Variants in GP1BB observed in about 807,000 individuals in gnomAD.
The protein encoded by GP1BB is platelet glycoprotein Ib beta chain.
Under a neutral mutation model 2.5 loss-of-function variants are expected in GP1BB, and 3 were observed. That is an observed-to-expected ratio of 1.22 (90% confidence interval 0.56 to 3.15). The LOEUF is 3.15. Among genes scored for constraint, GP1BB ranks in the 30% most tolerant of loss-of-function variants. The pLI is 0.03. For synonymous variants in GP1BB, 191 were observed against 167.5 expected (o/e 1.14, Z -1.08); for missense variants, 316 against 307.0 (o/e 1.03, Z -0.22).
rs139264686 is a variant in GP1BB, at chr22:19,724,732, C to G, written c.*268C>G. The G allele has an allele frequency of 1.9e-6, 1 of 513,690 alleles. No individual in the cohort carries two copies. Among genetic ancestry groups the G allele is most frequent in the African/African-American group, 2.0e-5 (1 of 50,764 alleles). The allele number at this position is 513,690 out of a possible 1,614,324, so 31.8% of individuals were successfully genotyped here. On this transcript the variant is annotated 3_prime_UTR_variant, in exon 2 of 2. Coordinates refer to ENST00000366425, the MANE Select transcript of GP1BB (RefSeq NM_000407.5). ...TGCGGTCCAGACCCTGCTGCGTCTC[C>G]CTTCCAAACTCTGGTGCTGAATAAA...
chr22:19,723,586 CTG>C lies in GP1BB; in HGVS notation c.10+8_10+9del, dbSNP rs769029226. ...CTTCTCGCCATGGGCTCCGGTGAGT[CTG>C]GAGTCCGGTCGGGCCCCCGGCTGCT... On this transcript the variant is annotated splice_region_variant and intron_variant, in intron 1 of 1. Coordinates refer to ENST00000366425, the MANE Select transcript of GP1BB (RefSeq NM_000407.5). 2.9e-5 allele frequency: 46 copies of C among 1,597,504 alleles called. No homozygotes were observed. The highest frequency in any genetic ancestry group is 1.7e-4 in the Middle Eastern group (1 of 5,982).
chr22:19,723,668 A>C lies in GP1BB; in HGVS notation c.10+89A>C, dbSNP rs774330634. 7.3e-5 allele frequency: 107 copies of C among 1,471,750 alleles called. No homozygotes were observed. The Middle Eastern group carries it at 1.2e-3, about 16-fold the overall frequency. 91.2% of individuals were successfully genotyped at this position (1,471,750 alleles called of 1,614,324 possible). On this transcript the variant is annotated intron_variant, in intron 1 of 1. Coordinates refer to ENST00000366425, the MANE Select transcript of GP1BB (RefSeq NM_000407.5). ...CTGGTCGTTTGGCTGCAGCTGGGAG[A>C]GACTTGGGTCAGACTTAGAGGGGAC...
rs1936108227 is a variant in GP1BB at position 19,723,842 on chromosome 22, C to T, written c.11-12C>T. ...GCCGACCGCTCGGCTTACTGCGGCG[C>T]TTCCCTTGCAGGGCCGCGCGGGGCG... On this transcript the variant is annotated splice_polypyrimidine_tract_variant and intron_variant, in intron 1 of 1. Transcript: ENST00000366425. 1 of 1,522,026 alleles carries T rather than the reference C, an allele frequency of 6.6e-7. No homozygotes were observed. The highest frequency in any genetic ancestry group is 8.8e-7 in the Non-Finnish European group (1 of 1,141,036). 94.3% of individuals were successfully genotyped at this position (1,522,026 alleles called of 1,614,324 possible). A position where few individuals can be genotyped will look rare whatever the true frequency, so the allele number is the denominator to read the frequency against.
chr22:19,723,564 C>A lies in GP1BB; in HGVS notation c.-6C>A. The A allele has an allele frequency of 6.3e-7, 1 of 1,595,910 alleles. No individual in the cohort carries two copies. ...GCAGAGTAAGCCGGGCTGCCGTCTT[C>A]TCGCCATGGGCTCCGGTGAGTCTGG... On this transcript the variant is annotated 5_prime_UTR_variant, in exon 1 of 2. Transcript: ENST00000366425.
At position 19,724,157 on chromosome 22, in the gene GP1BB, C is replaced by G; in HGVS notation, c.314C>G (p.Ala105Gly). The change falls in exon 2 of 2, where the codon GCC becomes GGC. Residue 105 changes from alanine (A) to glycine (G), a missense_variant. Physicochemically the swap from Ala to Gly is moderately conservative, Grantham distance 60. Coordinates refer to ENST00000366425, the MANE Select transcript of GP1BB (RefSeq NM_000407.5). ...CTTGTGCCGCTGCGCGCCTGGCTGG[C>G]CGGCCGCCCCGAGCGTGCGCCCTAC... ...CRLVPLRAWL[A>G]GRPERAPYRD... is the part of the protein sequence containing the mutation. 7.6e-7 allele frequency: 1 copy of G among 1,310,228 alleles called. No individual in the cohort carries two copies. The highest frequency in any genetic ancestry group is 2.1e-5 in the South Asian group (1 of 46,936). The allele number at this position is 1,310,228 out of a possible 1,614,324, so 81.2% of individuals were successfully genotyped here. A position where few individuals can be genotyped will look rare whatever the true frequency, so the allele number is the denominator to read the frequency against.
Position 19,724,331 on chromosome 22 carries a change from T to C in GP1BB, c.488T>C (p.Leu163Pro). The change falls in exon 2 of 2, where the codon CTG (leucine) becomes CCG (proline). Residue 163 changes from leucine (L) to proline (P), a missense_variant. By Grantham distance (98) the Leu-to-Pro change is moderately conservative. Coordinates refer to ENST00000366425, the MANE Select transcript of GP1BB (RefSeq NM_000407.5). Reference protein sequence around the residue: ...AQLALLGLGLLHALLLVLLLC... With the variant: ...AQLALLGLGLPHALLLVLLLC... ...CTTGCGCTGCTGGGCCTTGGGCTGC[T>C]GCACGCGTTGCTGCTGGTGCTGCTG... is the stretch of plus-strand genomic sequence containing the variant. 2 of 1,448,002 alleles carry C rather than the reference T, an allele frequency of 1.4e-6. No individual in the cohort carries two copies. The highest frequency in any genetic ancestry group is 1.8e-6 in the Non-Finnish European group (2 of 1,104,884). The allele number at this position is 1,448,002 out of a possible 1,614,324, so 89.7% of individuals were successfully genotyped here.
At position 19,724,696 on chromosome 22, in the gene GP1BB, A is replaced by G. The variant is rs1936132326; in HGVS notation, c.*232A>G. 1.7e-6 allele frequency: 1 copy of G among 580,528 alleles called. No homozygotes were observed. The highest frequency in any genetic ancestry group is 3.0e-5 in the East Asian group (1 of 33,852). 36.0% of individuals were successfully genotyped at this position (580,528 alleles called of 1,614,324 possible). On this transcript the variant is annotated 3_prime_UTR_variant, in exon 2 of 2. Transcript: ENST00000366425. ...CCGCACTTCCAGGCTTGGGAGGACC[A>G]TGGGGCACAATGCGGTCCAGACCCT...
In GP1BB at chr22:19,724,327, C is replaced by G. The variant is rs1286286182; in HGVS notation, c.484C>G (p.Leu162Val). The G allele has an allele frequency of 2.1e-6, 3 of 1,442,052 alleles. No individual in the cohort carries two copies. The highest frequency in any genetic ancestry group is 1.8e-6 in the Non-Finnish European group (2 of 1,103,260). The allele number at this position is 1,442,052 out of a possible 1,614,324, so 89.3% of individuals were successfully genotyped here. A position where few individuals can be genotyped will look rare whatever the true frequency, so the allele number is the denominator to read the frequency against. ...GCAGCTTGCGCTGCTGGGCCTTGGGCTGCTGCACGCGTTGCTGCTGGTGCT... is the reference window on the plus strand; with the variant it reads ...GCAGCTTGCGCTGCTGGGCCTTGGGGTGCTGCACGCGTTGCTGCTGGTGCT... ...AAQLALLGLG[L>V]LHALLLVLLL... The change falls in exon 2 of 2, where the codon CTG (leucine) becomes GTG (valine). Residue 162 changes from leucine to valine, a missense_variant. Physicochemically the swap from Leu to Val is conservative, Grantham distance 32. Transcript: ENST00000366425.
chr22:19,724,334 A>G lies in GP1BB; in HGVS notation c.491A>G (p.His164Arg). 1.4e-6 allele frequency: 2 copies of G among 1,452,896 alleles called. No homozygotes were observed. Among genetic ancestry groups the G allele is most frequent in the East Asian group, 5.5e-5 (2 of 36,316 alleles). The allele number at this position is 1,452,896 out of a possible 1,614,324, so 90.0% of individuals were successfully genotyped here. ...QLALLGLGLLHALLLVLLLCR... is the reference protein window; with the variant it reads ...QLALLGLGLLRALLLVLLLCR... ...GCGCTGCTGGGCCTTGGGCTGCTGC[A>G]CGCGTTGCTGCTGGTGCTGCTGCTG... Residue 164 changes from histidine (H) to arginine (R), a missense_variant, in exon 2 of 2, where the codon CAC (histidine) becomes CGC (arginine). Transcript: ENST00000366425.
In GP1BB at chr22:19,724,706, A is replaced by C; in HGVS notation, c.*242A>C. The C allele has an allele frequency of 1.8e-6, 1 of 568,018 alleles. No homozygotes were observed. The highest frequency in any genetic ancestry group is 3.0e-5 in the East Asian group (1 of 33,040). 35.2% of individuals were successfully genotyped at this position (568,018 alleles called of 1,614,324 possible). A position where few individuals can be genotyped will look rare whatever the true frequency, so the allele number is the denominator to read the frequency against. ...AGGCTTGGGAGGACCATGGGGCACA[A>C]TGCGGTCCAGACCCTGCTGCGTCTC... On this transcript the variant is annotated 3_prime_UTR_variant, in exon 2 of 2. Transcript: ENST00000366425.
At position 19,724,056 on chromosome 22, in the gene GP1BB, G is replaced by C. The variant is rs1412278008; in HGVS notation, c.213G>C (p.Pro71=). ...CCGGCAACAACCTGACGGCGCTGCCGCCGGGGCTGCTGGACGCGCTGCCCG... is the reference window on the plus strand; with the variant it reads ...CCGGCAACAACCTGACGGCGCTGCCCCCGGGGCTGCTGGACGCGCTGCCCG... ...VLTGNNLTAL[P]PGLLDALPAL... The change falls in exon 2 of 2, where the codon CCG becomes CCC. Residue 71 remains proline, a synonymous_variant. Transcript: ENST00000366425. 1.3e-6 allele frequency: 2 copies of C among 1,509,276 alleles called. No homozygotes were observed. The highest frequency in any genetic ancestry group is 1.8e-6 in the Non-Finnish European group (2 of 1,134,822). The allele number at this position is 1,509,276 out of a possible 1,614,324, so 93.5% of individuals were successfully genotyped here. A position where few individuals can be genotyped will look rare whatever the true frequency, so the allele number is the denominator to read the frequency against.
Position 19,723,836 on chromosome 22 carries a change from G to A in GP1BB, c.11-18G>A. 1 of 1,521,064 alleles carries A rather than the reference G, an allele frequency of 6.6e-7. No individual in the cohort carries two copies. The highest frequency in any genetic ancestry group is 2.5e-5 in the East Asian group (1 of 40,504). 94.2% of individuals were successfully genotyped at this position (1,521,064 alleles called of 1,614,324 possible). A position where few individuals can be genotyped will look rare whatever the true frequency, so the allele number is the denominator to read the frequency against. On this transcript the variant is annotated intron_variant, in intron 1 of 1. Coordinates refer to ENST00000366425, the MANE Select transcript of GP1BB (RefSeq NM_000407.5). Reference sequence around the variant, plus strand: ...GTGCCCGCCGACCGCTCGGCTTACTGCGGCGCTTCCCTTGCAGGGCCGCGC... The same window carrying A: ...GTGCCCGCCGACCGCTCGGCTTACTACGGCGCTTCCCTTGCAGGGCCGCGC...
Position 19,724,351 on chromosome 22 carries a change from C to T in GP1BB, c.508C>T (p.Leu170=), listed in dbSNP as rs760214853. The T allele has an allele frequency of 4.7e-6, 7 of 1,476,990 alleles. No individual in the cohort carries two copies. In the South Asian group the frequency reaches 9.5e-5, roughly 20 times the overall value. 91.5% of individuals were successfully genotyped at this position (1,476,990 alleles called of 1,614,324 possible). Residue 170 remains leucine (L), a synonymous_variant, in exon 2 of 2, where the codon CTG becomes TTG. Coordinates refer to ENST00000366425, the MANE Select transcript of GP1BB (RefSeq NM_000407.5). ...GCTGCTGCACGCGTTGCTGCTGGTG[C>T]TGCTGCTGTGCCGCCTGCGGAGGCT... ...LGLLHALLLV[L]LLCRLRRLRA... is the part of the protein sequence containing the mutation.
chr22:19,724,393 G>T lies in GP1BB; in HGVS notation c.550G>T (p.Ala184Ser), dbSNP rs1177588975. 1.3e-6 allele frequency: 2 copies of T among 1,535,430 alleles called. No homozygotes were observed. Among genetic ancestry groups the T allele is most frequent in the Non-Finnish European group, 8.8e-7 (1 of 1,140,728 alleles). ...GCGGAGGCTGCGGGCCCGGGCCCGC[G>T]CTCGCGCCGCAGCCCGGCTGTCGCT... is the stretch of plus-strand genomic sequence containing the variant. ...RLRRLRARAR[A>S]RAAARLSLTD... Residue 184 changes from alanine (A) to serine (S), a missense_variant, in exon 2 of 2, where the codon GCT (alanine) becomes TCT (serine). By Grantham distance (99) the Ala-to-Ser change is moderately conservative. Transcript: ENST00000366425.
chr22:19,723,967 C>A lies in GP1BB; in HGVS notation c.124C>A (p.Arg42Ser), dbSNP rs1211709592. 3 of 1,525,706 alleles carry A rather than the reference C, an allele frequency of 2.0e-6. No individual in the cohort carries two copies. The highest frequency in any genetic ancestry group is 2.4e-5 in the South Asian group (2 of 82,764). The allele number at this position is 1,525,706 out of a possible 1,614,324, so 94.5% of individuals were successfully genotyped here. A position where few individuals can be genotyped will look rare whatever the true frequency, so the allele number is the denominator to read the frequency against. Residue 42 changes from arginine (R) to serine (S), a missense_variant, in exon 2 of 2, where the codon CGC (arginine) becomes AGC (serine). Coordinates refer to ENST00000366425, the MANE Select transcript of GP1BB (RefSeq NM_000407.5). ...CAGTLVDCGR[R>S]GLTWASLPTA... ...GGGGACGCTCGTGGACTGCGGGCGC[C>A]GCGGGCTGACTTGGGCCTCGCTGCC...
At position 19,723,896 on chromosome 22, in the gene GP1BB, C is replaced by T. The variant is rs1476263288; in HGVS notation, c.53C>T (p.Pro18Leu). 2 of 1,521,864 alleles carry T rather than the reference C, an allele frequency of 1.3e-6. No homozygotes were observed. Among genetic ancestry groups the T allele is most frequent in the South Asian group, 1.2e-5 (1 of 82,740 alleles). 94.3% of individuals were successfully genotyped at this position (1,521,864 alleles called of 1,614,324 possible). A position where few individuals can be genotyped will look rare whatever the true frequency, so the allele number is the denominator to read the frequency against. The change falls in exon 2 of 2, where the codon CCG becomes CTG. Residue 18 changes from proline (P) to leucine (L), a missense_variant. Coordinates refer to ENST00000366425, the MANE Select transcript of GP1BB (RefSeq NM_000407.5). ...AGCTTACTGCTCCTGCTGCTGGCCC[C>T]GCCGAGCCGCCCGGCCGCAGGTTGC... ...ALSLLLLLLA[P>L]PSRPAAGCPA...
Position 19,723,998 on chromosome 22 carries a change from C to T in GP1BB, c.155C>T (p.Ala52Val). 3 of 1,536,568 alleles carry T rather than the reference C, an allele frequency of 2.0e-6. No individual in the cohort carries two copies. Among genetic ancestry groups the T allele is most frequent in the Non-Finnish European group, 1.7e-6 (2 of 1,148,698 alleles). ...CTGACTTGGGCCTCGCTGCCGACCG[C>T]CTTCCCTGTCGACACAACCGAGCTG... is the stretch of plus-strand genomic sequence containing the variant. ...RGLTWASLPT[A>V]FPVDTTELVL... The change falls in exon 2 of 2, where the codon GCC becomes GTC. Residue 52 changes from alanine to valine, a missense_variant. By Grantham distance (64) the Ala-to-Val change is moderately conservative. Transcript: ENST00000366425.
In GP1BB at chr22:19,724,409, G is replaced by T; in HGVS notation, c.566G>T (p.Arg189Leu). 6.5e-7 allele frequency: 1 copy of T among 1,538,966 alleles called. No individual in the cohort carries two copies. Among genetic ancestry groups the T allele is most frequent in the Non-Finnish European group, 8.8e-7 (1 of 1,141,766 alleles). Residue 189 changes from arginine to leucine, a missense_variant, in exon 2 of 2, where the codon CGG becomes CTG. Physicochemically the swap from Arg to Leu is moderately radical, Grantham distance 102 (BLOSUM62 -2). Coordinates refer to ENST00000366425, the MANE Select transcript of GP1BB (RefSeq NM_000407.5). The part of the protein sequence containing the change: ...RARARARAAA[R>L]LSLTDPLVAE... ...CGGGCCCGCGCTCGCGCCGCAGCCC[G>T]GCTGTCGCTGACCGACCCGCTGGTG...
rs1314983730 is a variant in GP1BB at position 19,724,371 on chromosome 22, G to A, written c.528G>A (p.Arg176=). 2 of 1,505,048 alleles carry A rather than the reference G, an allele frequency of 1.3e-6. No homozygotes were observed. The highest frequency in any genetic ancestry group is 2.6e-5 in the South Asian group (2 of 78,196). The allele number at this position is 1,505,048 out of a possible 1,614,324, so 93.2% of individuals were successfully genotyped here. A position where few individuals can be genotyped will look rare whatever the true frequency, so the allele number is the denominator to read the frequency against. ...LLLVLLLCRL[R]RLRARARARA... is the part of the protein sequence containing the mutation. ...TGGTGCTGCTGCTGTGCCGCCTGCG[G>A]AGGCTGCGGGCCCGGGCCCGCGCTC... is the stretch of plus-strand genomic sequence containing the variant. Residue 176 remains arginine, a synonymous_variant, in exon 2 of 2, where the codon CGG becomes CGA. Coordinates refer to ENST00000366425, the MANE Select transcript of GP1BB (RefSeq NM_000407.5).
Sources: gnomAD v4.1 joint callset for allele counts on GRCh38, gnomAD v4.1.1 for gene constraint, MANE v1.5 for transcripts, NCBI Gene and HGNC (gene_info 2026-07-23, HGNC 2026-07-21) for gene names.